MED1: variants seen among roughly 807,000 people sequenced by gnomAD.
MED1 encodes mediator of RNA polymerase II transcription subunit 1.
A neutral mutation model predicts 121.3 loss-of-function variants in MED1; 17 were observed. The observed-to-expected ratio is 0.14, with a 90% CI of 0.10 to 0.21. MED1 has a LOEUF of 0.21. MED1 is among the 10% of genes least tolerant of loss of function. The pLI is 1.00. For missense variants in MED1, 1,558 were observed against 1,919.4 expected (o/e 0.81, Z 3.52); for synonymous variants, 661 against 694.4 (o/e 0.95, Z 0.76).
chr17:39,446,030 A>G (rs957884010), intron 2 of MED1, among the ~76,000 whole-genome samples: 2 of 129,608 alleles, frequency 1.5e-5, no homozygotes, highest in East Asian at 4.3e-4. Flanking sequence ...TTCCATCTTT[A>G]AAAAAAAAAA....
chr17:39,419,489 C>A (rs2048441040), intron 14 of MED1, among the ~76,000 whole-genome samples: 1 of 151,624 alleles, frequency 6.6e-6, no homozygotes, highest in South Asian at 2.1e-4. Flanking sequence ...CTCACTGCAA[C>A]CCCCGCCTCC....
At chr17:39,410,846 A>G (rs1397215269) in intron 16 of MED1, 125 bp from the exon 17 acceptor site, 1 of 1,359,402 alleles carries the variant, frequency 7.4e-7, no homozygotes, top group Non-Finnish European at 9.8e-7. Flanking sequence ...TCTGTAAGAC[A>G]AAAATAGTTC....
chr17:39,449,845 G>C (rs1478997237), intron 1 of MED1, among the ~76,000 whole-genome samples: 3 of 112,364 alleles, frequency 2.7e-5, no homozygotes, highest in African/African-American at 1.1e-4. Flanking sequence ...ACGAAGTTTC[G>C]CTCTTGTAGC....
At chr17:39,429,901 T>G (rs12150493) in intron 9 of MED1, among the ~76,000 whole-genome samples, 3 of 151,608 alleles carry the variant, frequency 2.0e-5, no homozygotes, top group Non-Finnish European at 2.9e-5. Flanking sequence ...CTAGGCAACA[T>G]AGTAAGACCA....
In MED1 at chr17:39,405,241, T is replaced by C; in HGVS notation, c.*2234A>G. ...AGCAAGTTCAGATGCTGGGTCAGTGTGGGGGTGAGCCCATCGACAATTCAG... is the reference window on the plus strand; with the variant it reads ...AGCAAGTTCAGATGCTGGGTCAGTGCGGGGGTGAGCCCATCGACAATTCAG... On this transcript the variant is annotated 3_prime_UTR_variant, in exon 17 of 17. Transcript: ENST00000300651. 6.3e-7 allele frequency: 1 copy of C among 1,595,650 alleles called. No individual in the cohort carries two copies. The highest frequency in any genetic ancestry group is 8.5e-7 in the Non-Finnish European group (1 of 1,171,264).
intron 7 of MED1, among the ~76,000 whole-genome samples, chr17:39,432,821 T>A (rs868428772): frequency 8.6e-5 from 13 of 151,352 alleles, no homozygotes; most frequent in South Asian, 2.1e-4. Context: ...TCCCAACACT[T>A]TGGGAGGCCG....
Position 39,440,853 on chromosome 17 carries a change from G to A in MED1, c.212-176C>T, listed in dbSNP as rs2048668302. Reference sequence around the variant, plus strand: ...TAGCTGTGGCCTATGCAGTACTAAAGGTCAAAAAAAAAAGATCTATTTGAA... The same window carrying A: ...TAGCTGTGGCCTATGCAGTACTAAAAGTCAAAAAAAAAAGATCTATTTGAA... On this transcript the variant is annotated intron_variant, in intron 3 of 16. Transcript: ENST00000300651. This position sits in a 1 kb window ranked among gnomAD's most constrained non-coding sequence, Gnocchi z 4.1. 6.6e-6 allele frequency among the ~76,000 whole-genome samples: 1 copy of A among 151,536 alleles called. No homozygotes were observed. Among genetic ancestry groups the A allele is most frequent in the Non-Finnish European group, 1.5e-5 (1 of 67,898 alleles).
Position 39,406,906 on chromosome 17 carries a change from C to T in MED1, c.*569G>A. ...ATTACAAATAAATAGCTAAAATAATCTTCCCTCCCCCAGTCACTCCTAAGA... is the reference window on the plus strand; with the variant it reads ...ATTACAAATAAATAGCTAAAATAATTTTCCCTCCCCCAGTCACTCCTAAGA... On this transcript the variant is annotated 3_prime_UTR_variant, in exon 17 of 17. Coordinates refer to ENST00000300651, the MANE Select transcript of MED1 (RefSeq NM_004774.4). The T allele has an allele frequency of 1.0e-6, 1 of 985,784 alleles. No homozygotes were observed. The highest frequency in any genetic ancestry group is 1.2e-6 in the Non-Finnish European group (1 of 829,924). 61.1% of individuals were successfully genotyped at this position (985,784 alleles called of 1,614,324 possible).
intron 7 of MED1, among the ~76,000 whole-genome samples, 183 bp from the exon 8 acceptor site, chr17:39,432,199 C>T (rs1442733364): frequency 1.3e-5 from 2 of 151,328 alleles, no homozygotes; most frequent in Admixed American, 6.6e-5. Context: ...AAAAATTAGC[C>T]GAGCGTGGTG....
chr17:39,426,173 G>A (rs1275954910), intron 10 of MED1, among the ~76,000 whole-genome samples: 2 of 151,960 alleles, frequency 1.3e-5, no homozygotes, highest in African/African-American at 2.4e-5. Context: ...GGAGCCTGAC[G>A]CCAAGGCTCG....
Position 39,451,258 on chromosome 17 carries a change from A to C in MED1, c.-196T>G, listed in dbSNP as rs954700000. ...AGGCCGCCGCCATCTTCCCCAACGG[A>C]ACTTCCCAAAATTCGCGAGATAAAC... is the stretch of plus-strand genomic sequence containing the variant. On this transcript the variant is annotated 5_prime_UTR_variant, in exon 1 of 17. Transcript: ENST00000300651. 5.0e-6 allele frequency: 3 copies of C among 597,472 alleles called. No homozygotes were observed. The African/African-American group carries it at 5.7e-5, about 11-fold the overall frequency. The allele number at this position is 597,472 out of a possible 1,614,324, so 37.0% of individuals were successfully genotyped here.
At chr17:39,445,217 C>CTT (rs34886191) in intron 2 of MED1, among the ~76,000 whole-genome samples, 4 of 143,832 alleles carry the variant, frequency 2.8e-5, no homozygotes, top group Non-Finnish European at 4.6e-5. Context: ...GTTGAAAACT[C>CTT]TTTTTTTTTT....
At chr17:39,431,903 T>C (rs2048568273) in intron 8 of MED1, 39 bp downstream of exon 8, 1 of 1,456,196 alleles carries the variant, frequency 6.9e-7, no homozygotes, top group African/African-American at 1.4e-5. Context: ...AGAGAAAAAC[T>C]CAAGGGATCA....
Position 39,410,619 on chromosome 17 carries a change from G to A in MED1, c.1602C>T (p.Asp534=), listed in dbSNP as rs147801923. 6 of 1,614,038 alleles carry A rather than the reference G, an allele frequency of 3.7e-6. No individual in the cohort carries two copies. The African/African-American group carries it at 6.7e-5, about 18-fold the overall frequency. Residue 534 remains aspartate (D), a synonymous_variant, in exon 17 of 17, where the codon GAC becomes GAT. Coordinates refer to ENST00000300651, the MANE Select transcript of MED1 (RefSeq NM_004774.4). ...CCGGGGGCAGGTTCTTTTTCACCAT[G>A]TCTTCAACTGTCTCTGCAATGAGGG... is the stretch of plus-strand genomic sequence containing the variant. ...ALSLIAETVE[D]MVKKNLPPAS... is the part of the protein sequence containing the mutation.
At chr17:39,435,988 C>T (rs2048614538) in intron 6 of MED1, among the ~76,000 whole-genome samples, 1 of 152,076 alleles carries the variant, frequency 6.6e-6, no homozygotes, top group Non-Finnish European at 1.5e-5. Context: ...AGGAAAATCG[C>T]TTGAACCCGG....
Position 39,447,271 on chromosome 17 carries a change from A to C in MED1, c.132+527T>G, listed in dbSNP as rs549800728. On this transcript the variant is annotated intron_variant, in intron 2 of 16. Transcript: ENST00000300651. ...CTGGGCGTGGTGGCGCATGCCTGTA[A>C]TCCCAGCTATTCGGGAGGCTGAGGC... Among the ~76,000 whole-genome samples the C allele has an allele frequency of 2.2e-3, 336 of 151,926 alleles. 2 individuals are homozygous for C. The highest frequency in any genetic ancestry group is 7.7e-3 in the African/African-American group (319 of 41,424).
At position 39,451,110 on chromosome 17, in the gene MED1, C is replaced by T. The variant is rs1377300888; in HGVS notation, c.-48G>A. On this transcript the variant is annotated 5_prime_UTR_variant, in exon 1 of 17. Coordinates refer to ENST00000300651, the MANE Select transcript of MED1 (RefSeq NM_004774.4). ...ATCCGCCACAAAAGGATAAGCCCTT[C>T]CCCACCACTAACGGAGGAAACAAGT... The T allele has an allele frequency of 6.2e-7, 1 of 1,601,830 alleles. No homozygotes were observed. The highest frequency in any genetic ancestry group is 1.7e-5 in the Admixed American group (1 of 58,466).
chr17:39,436,360 C>CA (rs1256137863), intron 6 of MED1, among the ~76,000 whole-genome samples: 2 of 68,326 alleles, frequency 2.9e-5, no homozygotes, highest in Non-Finnish European at 5.6e-5. Context: ...GACTCCAACT[C>CA]AAAAAAAAGA....
chr17:39,424,542 T>A, intron 11 of MED1, 85 bp downstream of exon 11: 1 of 801,546 alleles, frequency 1.2e-6, no homozygotes, highest in East Asian at 2.6e-5. Context: ...GAAATTCAAG[T>A]GGGGTAACAG....
Sources: gnomAD v4.1 joint callset for allele counts (sites outside exome capture counted in the v4.1 genomes callset) on GRCh38, gnomAD v4.1.1 for gene constraint, Gnocchi (gnomAD v3.1) non-coding constraint, MANE v1.5 for transcripts, NCBI Gene and HGNC (gene_info 2026-07-23, HGNC 2026-07-21) for gene names.